Variants in CDC6 observed in about 807,000 individuals in gnomAD.
The protein encoded by CDC6 is cell division cycle 6, also known as DNA replication factor CDC6.
In CDC6, 46 loss-of-function variants were observed where a neutral mutation model predicts 60.2. The observed-to-expected ratio is 0.76, with a 90% CI of 0.60 to 0.98. CDC6 has a LOEUF of 0.98. Ranked by LOEUF, CDC6 falls within the 50% of genes least tolerant of loss-of-function variation. The probability of loss-of-function intolerance (pLI) is 0.00; values close to 1 mark genes in which losing one functional copy is unlikely to be tolerated. For missense variants in CDC6, 596 were observed against 652.9 expected (o/e 0.91, Z 0.95); for synonymous variants, 210 against 233.2 (o/e 0.90, Z 0.90).
intron 2 of CDC6, among the ~76,000 whole-genome samples, chr17:40,290,612 C>G (rs947966689): frequency 2.6e-5 from 4 of 152,176 alleles, no homozygotes; most frequent in African/African-American, 9.7e-5. Flanking sequence ...TGGACGCCTG[C>G]AATCGAGGAC....
intron 5 of CDC6, 99 bp from the exon 6 acceptor site, chr17:40,293,851 C>G (rs2032812651): frequency 9.4e-7 from 1 of 1,060,754 alleles, no homozygotes; most frequent in Admixed American, 1.7e-5. Context: ...GATCTTTAAA[C>G]TGGTCTCAGC....
At position 40,288,024 on chromosome 17, in the gene CDC6, C is replaced by G. The variant is rs1003132509; in HGVS notation, c.-80C>G. ...AGGAGGTGGAAAGAAGAGGATTGCT[C>G]GAGGAGGCCTGGGGTCTGTGAGGCA... On this transcript the variant is annotated 5_prime_UTR_variant, in exon 1 of 12. Coordinates refer to ENST00000209728, the MANE Select transcript of CDC6 (RefSeq NM_001254.4). 1 of 153,808 alleles carries G rather than the reference C, an allele frequency of 6.5e-6. No individual in the cohort carries two copies. The highest frequency in any genetic ancestry group is 1.5e-5 in the Non-Finnish European group (1 of 68,934). 9.5% of individuals were successfully genotyped at this position (153,808 alleles called of 1,614,324 possible).
intron 2 of CDC6, among the ~76,000 whole-genome samples, chr17:40,290,223 G>A (rs1323308688): frequency 6.6e-6 from 1 of 152,090 alleles, no homozygotes; most frequent in East Asian, 1.9e-4. Context: ...CAATATTTGT[G>A]AAATTAAAAG....
intron 6 of CDC6, 67 bp downstream of exon 6, chr17:40,294,123 T>G: frequency 1.6e-6 from 2 of 1,247,376 alleles, no homozygotes; most frequent in Non-Finnish European, 2.4e-6. Flanking sequence ...ATATTCAGCT[T>G]ATTTATCAGC....
At chr17:40,293,861 C>G (rs1371068549) in intron 5 of CDC6, 89 bp from the exon 6 acceptor site, 1 of 1,177,226 alleles carries the variant, frequency 8.5e-7, no homozygotes, top group Admixed American at 1.7e-5. Context: ...CTGGTCTCAG[C>G]TTTAGGAAAG....
chr17:40,298,943 C>A (rs1293966590), intron 9 of CDC6, among the ~76,000 whole-genome samples: 1 of 151,956 alleles, frequency 6.6e-6, no homozygotes, highest in Non-Finnish European at 1.5e-5. Flanking sequence ...TTTTAAGATT[C>A]TTTTACTTGA....
chr17:40,298,143 A>T (rs2032883820), intron 9 of CDC6, among the ~76,000 whole-genome samples: 1 of 152,206 alleles, frequency 6.6e-6, no homozygotes, highest in South Asian at 2.1e-4. Context: ...AAAATGTTTC[A>T]GAAGTAGCCA....
chr17:40,297,125 ATAAG>A (rs1230536203), intron 9 of CDC6, among the ~76,000 whole-genome samples: 1 of 152,154 alleles, frequency 6.6e-6, no homozygotes, highest in African/African-American at 2.4e-5. Flanking sequence ...AGCCTGATAA[ATAAG>A]GGAGAATTGG....
In CDC6 at chr17:40,301,507, G is replaced by T. The variant is rs2032940043; in HGVS notation, c.1492G>T (p.Val498Leu). The T allele has an allele frequency of 6.2e-7, 1 of 1,613,710 alleles. No individual in the cohort carries two copies. Among genetic ancestry groups the T allele is most frequent in the Non-Finnish European group, 8.5e-7 (1 of 1,179,568 alleles). The change falls in exon 11 of 12, where the codon GTG becomes TTG. Residue 498 changes from valine to leucine, a missense_variant. Coordinates refer to ENST00000209728, the MANE Select transcript of CDC6 (RefSeq NM_001254.4). The stretch of plus-strand genomic sequence containing the variant: ...CAGTAAAGTCTGTCGCAAACAGCAG[G>T]TGGCGGCTGTGGACCAGTCAGAGTG... ...AYSKVCRKQQ[V>L]AAVDQSECLS...
intron 9 of CDC6, among the ~76,000 whole-genome samples, chr17:40,298,422 A>G (rs192515607): frequency 2.9e-4 from 44 of 151,508 alleles, no homozygotes; most frequent in Admixed American, 1.9e-3. Context: ...TTTTGTGTAA[A>G]ACAAGGTCTT....
At chr17:40,296,244 A>G (rs1393200323) in intron 8 of CDC6, among the ~76,000 whole-genome samples, 3 of 152,194 alleles carry the variant, frequency 2.0e-5, no homozygotes, top group Non-Finnish European at 4.4e-5. Flanking sequence ...TATCCTATGT[A>G]TATATAACTG....
chr17:40,293,550 A>G lies in CDC6; in HGVS notation c.755A>G (p.Gln252Arg). Residue 252 changes from glutamine (Q) to arginine (R), a missense_variant, in exon 5 of 12, where the codon CAG (glutamine) becomes CGG (arginine). Gln to Arg is a conservative substitution (Grantham distance 43, BLOSUM62 1). Transcript: ENST00000209728. ...VFPAIAQEICQEEVSRPAGKD... is the reference protein window; with the variant it reads ...VFPAIAQEICREEVSRPAGKD... ...CCAGCTATTGCTCAGGAGATTTGTCAGGAAGAGGTATCCAGGCCAGCTGGG... is the reference window on the plus strand; with the variant it reads ...CCAGCTATTGCTCAGGAGATTTGTCGGGAAGAGGTATCCAGGCCAGCTGGG... 1 of 1,613,924 alleles carries G rather than the reference A, an allele frequency of 6.2e-7. No individual in the cohort carries two copies. The highest frequency in any genetic ancestry group is 1.7e-5 in the Admixed American group (1 of 60,016).
At chr17:40,293,691 A>G in intron 5 of CDC6, 60 bp downstream of exon 5, 3 of 1,334,230 alleles carry the variant, frequency 2.2e-6, no homozygotes, top group Non-Finnish European at 3.2e-6. Context: ...TTGCCCATAA[A>G]AAGTACATTT....
At position 40,300,924 on chromosome 17, in the gene CDC6, G is replaced by A. The variant is rs1324335562; in HGVS notation, c.1346G>A (p.Ser449Asn). Reference protein sequence around the residue: ...SEVDGNRMTLSQEGAQDSFPL... With the variant: ...SEVDGNRMTLNQEGAQDSFPL... ...GTTGATGGTAACAGGATGACCTTGA[G>A]CCAAGAAGGAGCACAAGATTCCTTC... The change falls in exon 10 of 12, where the codon AGC (serine) becomes AAC (asparagine). Residue 449 changes from serine to asparagine, a missense_variant. Ser to Asn is a conservative substitution (Grantham distance 46). Coordinates refer to ENST00000209728, the MANE Select transcript of CDC6 (RefSeq NM_001254.4). 1 of 1,613,918 alleles carries A rather than the reference G, an allele frequency of 6.2e-7. No individual in the cohort carries two copies. Among genetic ancestry groups the A allele is most frequent in the African/African-American group, 1.3e-5 (1 of 74,912 alleles).
intron 6 of CDC6, 43 bp downstream of exon 6, chr17:40,294,099 T>C (rs1475016737): frequency 5.8e-6 from 8 of 1,390,368 alleles, no homozygotes; most frequent in Non-Finnish European, 8.2e-6. Context: ...TTCTAAAGTA[T>C]TTTTTAAGAA....
intron 2 of CDC6, 51 bp from the exon 3 acceptor site, chr17:40,291,007 T>C (rs774411283): frequency 4.5e-5 from 72 of 1,584,316 alleles, no homozygotes; most frequent in Non-Finnish European, 6.2e-5. Flanking sequence ...TGCACATCCT[T>C]TTACTATCCA....
At chr17:40,295,506 ATGCTGT>A in intron 8 of CDC6, 50 bp downstream of exon 8, 3 of 1,222,140 alleles carry the variant, frequency 2.5e-6, no homozygotes, top group Non-Finnish European at 3.6e-6. Context: ...AAAAAAAGAA[ATGCTGT>A]TAATTGTCTC....
Position 40,291,435 on chromosome 17 carries a change from G to T in CDC6, c.461-34G>T, listed in dbSNP as rs1385281540. 9 of 1,613,540 alleles carry T rather than the reference G, an allele frequency of 5.6e-6. No homozygotes were observed. The Admixed American group carries it at 1.2e-4, about 21-fold the overall frequency. On this transcript the variant is annotated intron_variant, in intron 3 of 11. Coordinates refer to ENST00000209728, the MANE Select transcript of CDC6 (RefSeq NM_001254.4). ...CACTGGGTCTTCTCATTCACCTTCT[G>T]TTGTGTCTAATTGACCTTTTATGTC... is the stretch of plus-strand genomic sequence containing the variant.
rs1177928843 is a variant in CDC6, at chr17:40,304,300, C to T, written c.*2299C>T. ...TCTGCTGCCCTTGTGGGAGCAAAAG[C>T]TGATATATGTTTGTCAGTAAAGTCT... On this transcript the variant is annotated 3_prime_UTR_variant, in exon 12 of 12. Coordinates refer to ENST00000209728, the MANE Select transcript of CDC6 (RefSeq NM_001254.4). The T allele has an allele frequency of 6.6e-6, 1 of 152,212 alleles. No homozygotes were observed. The highest frequency in any genetic ancestry group is 1.5e-5 in the Non-Finnish European group (1 of 68,052). The allele number at this position is 152,212 out of a possible 1,614,324, so 9.4% of individuals were successfully genotyped here.
Sources: allele counts gnomAD v4.1 joint callset (sites outside exome capture counted in the v4.1 genomes callset), GRCh38; gene constraint gnomAD v4.1.1; transcripts MANE v1.5; gene names NCBI Gene and HGNC (gene_info 2026-07-23, HGNC 2026-07-21).